Variants in ABCA10 observed in about 807,000 individuals in gnomAD.
The protein encoded by ABCA10 is ATP-binding cassette sub-family A member 10.
A neutral mutation model predicts 187.5 loss-of-function variants in ABCA10; 169 were observed. The ratio of observed to expected loss-of-function variants is 0.90; its 90% CI spans 0.80 to 1.02. ABCA10 has a LOEUF of 1.02. ABCA10 is among the 50% of genes least tolerant of loss of function. The pLI, the probability that ABCA10 is intolerant of heterozygous loss-of-function variation, is 0.00. For missense variants in ABCA10, 1,727 were observed against 1,812.4 expected (o/e 0.95, Z 0.86); for synonymous variants, 574 against 601.8 (o/e 0.95, Z 0.68).
At chr17:69,197,011 G>A (rs2074510178) in intron 11 of ABCA10, 53 bp downstream of exon 11, 1 of 1,281,364 alleles carries the variant, frequency 7.8e-7, no homozygotes, top group Non-Finnish European at 1.1e-6. Flanking sequence ...GTGGACAGAG[G>A]GAGGGGGAGG....
At position 69,155,209 on chromosome 17, in the gene ABCA10, T is replaced by A. The variant is rs2074164537; in HGVS notation, c.3577-73A>T. 4.9e-6 allele frequency: 6 copies of A among 1,223,972 alleles called. No homozygotes were observed. The Admixed American group carries it at 7.7e-5, about 16-fold the overall frequency. The allele number at this position is 1,223,972 out of a possible 1,614,324, so 75.8% of individuals were successfully genotyped here. A position where few individuals can be genotyped will look rare whatever the true frequency, so the allele number is the denominator to read the frequency against. On this transcript the variant is annotated intron_variant, in intron 29 of 38. Transcript: ENST00000690296. ...TTACGAATTGATGTTTTATTTTCCATTCCCTAGTCTATAAACCCAACTAAA... is the reference window on the plus strand; with the variant it reads ...TTACGAATTGATGTTTTATTTTCCAATCCCTAGTCTATAAACCCAACTAAA...
chr17:69,242,946 T>A (rs1568081802), intron 1 of ABCA10, among the ~76,000 whole-genome samples: 1 of 152,192 alleles, frequency 6.6e-6, no homozygotes, highest in Non-Finnish European at 1.5e-5. Context: ...AATCAAAGTT[T>A]GAACATAAAA....
At chr17:69,204,002 A>G (rs771164734) in intron 9 of ABCA10, among the ~76,000 whole-genome samples, 7 of 152,352 alleles carry the variant, frequency 4.6e-5, no homozygotes, top group Non-Finnish European at 1.0e-4. Flanking sequence ...ATCATCACCA[A>G]TACTTGAGTT....
At position 69,164,959 on chromosome 17, in the gene ABCA10, C is replaced by A; in HGVS notation, c.3282+5G>T. The A allele has an allele frequency of 6.2e-7, 1 of 1,612,672 alleles. No individual in the cohort carries two copies. The highest frequency in any genetic ancestry group is 8.5e-7 in the Non-Finnish European group (1 of 1,179,116). ...ACTGGAGACACAGTAGGTAACACTG[C>A]TTACCTGGATCAATAACATGACATA... On this transcript the variant is annotated splice_donor_5th_base_variant and intron_variant, in intron 26 of 38. Transcript: ENST00000690296.
At chr17:69,193,668 T>TA in intron 13 of ABCA10, 56 bp from the exon 14 acceptor site, 1 of 1,552,276 alleles carries the variant, frequency 6.4e-7, no homozygotes, top group Non-Finnish European at 8.7e-7. Context: ...AAGGAGTTTT[T>TA]ACTCTCTAAA....
At chr17:69,187,994 T>A in intron 18 of ABCA10, 115 bp from the exon 19 acceptor site, 4 of 889,848 alleles carry the variant, frequency 4.5e-6, no homozygotes, top group Non-Finnish European at 6.8e-6. Context: ...GTTAAGCTAC[T>A]GATATCCATA....
At chr17:69,182,955 C>CAG in intron 20 of ABCA10, 147 bp from the exon 21 acceptor site, 4 of 902,560 alleles carry the variant, frequency 4.4e-6, no homozygotes, top group Non-Finnish European at 6.4e-6. Flanking sequence ...GAGTACAATA[C>CAG]TATTCATTCT....
At chr17:69,220,785 T>G (rs1225427835) in intron 5 of ABCA10, among the ~76,000 whole-genome samples, 1 of 152,150 alleles carries the variant, frequency 6.6e-6, no homozygotes, top group Non-Finnish European at 1.5e-5. Flanking sequence ...CCAGACCAAA[T>G]CTGACCCACC....
At chr17:69,180,485 G>T (rs1392527777) in intron 22 of ABCA10, among the ~76,000 whole-genome samples, 1 of 151,954 alleles carries the variant, frequency 6.6e-6, no homozygotes, top group Non-Finnish European at 1.5e-5. Context: ...CCTGGAGGAT[G>T]TTAGGAGATT....
intron 20 of ABCA10, among the ~76,000 whole-genome samples, chr17:69,184,490 T>G (rs1398239284): frequency 6.6e-6 from 1 of 152,074 alleles, no homozygotes; most frequent in Non-Finnish European, 1.5e-5. Context: ...ACTCCCCTGC[T>G]ACCTCCACCA....
At chr17:69,232,154 A>C (rs987419341), upstream of ABCA10, among the ~76,000 whole-genome samples, 6 of 151,994 alleles carry the variant, frequency 3.9e-5, no homozygotes, top group Non-Finnish European at 8.8e-5. Context: ...AGTCTTTTGT[A>C]GGCAGCAGAT....
At chr17:69,189,438 T>G (rs1439160056) in intron 18 of ABCA10, among the ~76,000 whole-genome samples, 1 of 152,160 alleles carries the variant, frequency 6.6e-6, no homozygotes, top group Non-Finnish European at 1.5e-5. Flanking sequence ...GTTGGGTGCA[T>G]AGTTTGCAAA....
intron 25 of ABCA10, among the ~76,000 whole-genome samples, chr17:69,171,564 G>A (rs1451603385): frequency 6.6e-6 from 1 of 152,122 alleles, no homozygotes; most frequent in African/African-American, 2.4e-5. Context: ...AGTGGTATTG[G>A]CTGAGAATTT....
intron 15 of ABCA10, 81 bp downstream of exon 15, chr17:69,193,029 T>C (rs1284700810): frequency 2.7e-6 from 4 of 1,498,938 alleles, no homozygotes. Flanking sequence ...AAGATTTTCT[T>C]CTTTTGAAAA....
At chr17:69,176,461 A>T (rs1308649998) in intron 22 of ABCA10, among the ~76,000 whole-genome samples, 1 of 152,134 alleles carries the variant, frequency 6.6e-6, no homozygotes, top group Non-Finnish European at 1.5e-5. Context: ...TTTTGTCATA[A>T]ATGCAGGTGC....
intron 30 of ABCA10, 71 bp from the exon 31 acceptor site, chr17:69,154,397 C>A: frequency 1.2e-5 from 12 of 1,010,210 alleles, no homozygotes; most frequent in South Asian, 3.2e-5. Context: ...TGGTTGGTTG[C>A]ATAACATTTT....
chr17:69,168,640 G>A (rs1023109851), intron 25 of ABCA10, among the ~76,000 whole-genome samples: 1 of 152,182 alleles, frequency 6.6e-6, no homozygotes, highest in Admixed American at 6.5e-5. Context: ...AAGATTACAC[G>A]GTTTGGCTCT....
chr17:69,183,803 A>T (rs1429109316), intron 20 of ABCA10, among the ~76,000 whole-genome samples: 1 of 152,114 alleles, frequency 6.6e-6, no homozygotes, highest in Admixed American at 6.5e-5. Context: ...GGAAGAAGGA[A>T]ACTTCCAGCT....
intron 3 of ABCA10, 141 bp downstream of exon 3, chr17:69,225,184 C>A: frequency 1.1e-6 from 1 of 887,186 alleles, no homozygotes; most frequent in South Asian, 1.6e-5. Context: ...TCACACCAAC[C>A]CCTGTACTGC....
Sources: allele counts gnomAD v4.1 joint callset (sites outside exome capture counted in the v4.1 genomes callset), GRCh38; gene constraint gnomAD v4.1.1; transcripts MANE v1.5; gene names NCBI Gene and HGNC (gene_info 2026-07-23, HGNC 2026-07-21).